The following WWOX variants were observed in gnomAD, a reference collection of about 807,000 sequenced individuals.
The protein encoded by WWOX is WW domain-containing oxidoreductase.
A neutral mutation model predicts 46.2 loss-of-function variants in WWOX; 69 were observed. The ratio of observed to expected loss-of-function variants is 1.49; its 90% confidence interval spans 1.23 to 1.82. The LOEUF (loss-of-function observed/expected upper bound fraction) is 1.82. Among genes scored for constraint, WWOX ranks in the 40% most tolerant of loss-of-function variants. The pLI is 0.00. For missense variants in WWOX, 919 were observed against 542.6 expected (o/e 1.69, Z -6.89); for synonymous variants, 359 against 202.6 (o/e 1.77, Z -6.56).
intron 8 of WWOX, among the ~76,000 whole-genome samples, chr16:78,971,245 G>A (rs2046462643): frequency 6.6e-6 from 1 of 151,778 alleles, no homozygotes; most frequent in South Asian, 2.1e-4. Context: ...AAGATCACTT[G>A]TTGAGGTCAG....
chr16:78,605,087 G>T (rs181336412), intron 8 of WWOX, among the ~76,000 whole-genome samples: 62 of 145,670 alleles, frequency 4.3e-4, no homozygotes, highest in Middle Eastern at 3.6e-3. Flanking sequence ...AAAGCCCTCA[G>T]TTGGCAAACT....
At chr16:78,315,722 C>T (rs1374156659) in intron 5 of WWOX, among the ~76,000 whole-genome samples, 1 of 152,128 alleles carries the variant, frequency 6.6e-6, no homozygotes. Context: ...GCTAATGCCA[C>T]TCAGCAGGTG....
At chr16:78,833,422 TCTCCTC>T (rs56086314) in intron 8 of WWOX, among the ~76,000 whole-genome samples, 83,659 of 150,224 alleles carry the variant, frequency 0.56, 23,728 homozygotes, top group Middle Eastern at 0.66. Flanking sequence ...GGCCCAGCCA[TCTCCTC>T]CTCCTCCTCC....
At chr16:78,122,671 C>G (rs373454166) in intron 4 of WWOX, among the ~76,000 whole-genome samples, 3 of 150,178 alleles carry the variant, frequency 2.0e-5, no homozygotes, top group African/African-American at 7.4e-5. Context: ...GTGGCGTGAT[C>G]TCAGCTCACT....
chr16:78,332,960 A>G (rs1234885072), intron 5 of WWOX, among the ~76,000 whole-genome samples: 1 of 150,466 alleles, frequency 6.6e-6, no homozygotes, highest in African/African-American at 2.4e-5. Flanking sequence ...GTTGCTCAGA[A>G]CCCTTGTACT....
At chr16:78,907,273 A>G (rs1198235774) in intron 8 of WWOX, among the ~76,000 whole-genome samples, 1 of 152,148 alleles carries the variant, frequency 6.6e-6, no homozygotes, top group Non-Finnish European at 1.5e-5. Context: ...GGATGGGGCT[A>G]CCAGTCCTCA....
chr16:78,446,703 C>G (rs1324863401), intron 8 of WWOX, among the ~76,000 whole-genome samples: 7 of 130,964 alleles, frequency 5.3e-5, no homozygotes, highest in Non-Finnish European at 1.1e-4. Context: ...TCCTGTCTCC[C>G]AGGCTGGAAT....
chr16:79,008,870 G>A (rs1446078487), intron 8 of WWOX, among the ~76,000 whole-genome samples: 2 of 139,492 alleles, frequency 1.4e-5, no homozygotes, highest in Non-Finnish European at 3.0e-5. Flanking sequence ...TTTAATTGGA[G>A]CCACGTGTGT....
chr16:78,780,711 G>T (rs901384072), intron 8 of WWOX, among the ~76,000 whole-genome samples: 2 of 152,176 alleles, frequency 1.3e-5, no homozygotes, highest in African/African-American at 4.8e-5. Flanking sequence ...GAACGGAAGT[G>T]CAGGGTCCCT....
intron 8 of WWOX, among the ~76,000 whole-genome samples, chr16:78,736,826 C>G (rs1037874098): frequency 8.5e-5 from 13 of 152,120 alleles, no homozygotes; most frequent in Admixed American, 2.6e-4. Context: ...CCTGGCTGGT[C>G]TCAAACTCCT....
intron 8 of WWOX, among the ~76,000 whole-genome samples, chr16:78,813,085 C>CTT (rs552885920): frequency 3.9e-4 from 53 of 136,294 alleles, no homozygotes; most frequent in African/African-American, 1.3e-3. Flanking sequence ...GAGATGTTTT[C>CTT]TTTTTTTTTT....
chr16:78,444,838 G>C (rs1407983577), intron 8 of WWOX, among the ~76,000 whole-genome samples: 3 of 152,130 alleles, frequency 2.0e-5, no homozygotes, highest in Non-Finnish European at 4.4e-5. Context: ...CCTATGAGGA[G>C]CAGTTCTTTC....
chr16:78,706,671 C>G (rs1010703735), intron 8 of WWOX, among the ~76,000 whole-genome samples: 29 of 152,296 alleles, frequency 1.9e-4, no homozygotes, highest in African/African-American at 2.6e-4. Context: ...AGAGGAAAGG[C>G]TCTTTCAGCT....
intron 5 of WWOX, among the ~76,000 whole-genome samples, chr16:78,323,195 C>T (rs909667319): frequency 8.5e-5 from 13 of 152,282 alleles, no homozygotes; most frequent in South Asian, 4.1e-4. Context: ...ACATCTCTGC[C>T]TCCCGGGTTC....
intron 8 of WWOX, among the ~76,000 whole-genome samples, chr16:78,711,137 A>G (rs1105243): frequency 0.61 from 92,582 of 151,472 alleles, 29,249 homozygotes; most frequent in African/African-American, 0.79. Context: ...ATTAGGTGGG[A>G]CCTTCTTTGT....
At chr16:78,587,487 A>C (rs955700825) in intron 8 of WWOX, among the ~76,000 whole-genome samples, 1 of 152,148 alleles carries the variant, frequency 6.6e-6, no homozygotes, top group Non-Finnish European at 1.5e-5. Context: ...ACGTGCATGA[A>C]TCTTTCAAGA....
At chr16:78,596,887 G>C (rs919320097) in intron 8 of WWOX, among the ~76,000 whole-genome samples, 5 of 152,130 alleles carry the variant, frequency 3.3e-5, no homozygotes, top group African/African-American at 1.2e-4. Context: ...CACACAATCA[G>C]CCAGCTCTCC....
At chr16:78,530,604 G>A (rs1449884455) in intron 8 of WWOX, among the ~76,000 whole-genome samples, 3 of 152,158 alleles carry the variant, frequency 2.0e-5, no homozygotes, top group African/African-American at 7.2e-5. Context: ...CGGGCCATGG[G>A]TGGTTGTGGA....
At chr16:78,753,905 C>G (rs532576259) in intron 8 of WWOX, among the ~76,000 whole-genome samples, 2 of 134,684 alleles carry the variant, frequency 1.5e-5, no homozygotes, top group African/African-American at 5.5e-5. Flanking sequence ...ATTGAAGAGG[C>G]TATTCCAAGG....
Sources: allele counts gnomAD v4.1 joint callset (sites outside exome capture counted in the v4.1 genomes callset), GRCh38; gene constraint gnomAD v4.1.1; transcripts MANE v1.5; gene names NCBI Gene and HGNC (gene_info 2026-07-23, HGNC 2026-07-21).